Variants in PALM2AKAP2 observed in about 807,000 individuals in gnomAD.
The protein encoded by PALM2AKAP2 is PALM2 and AKAP2 fusion.
PALM2AKAP2 carries 37 observed loss-of-function variants against 71.5 expected under a neutral mutation model. That is an observed-to-expected ratio of 0.52 (90% confidence interval 0.40 to 0.68). PALM2AKAP2 has a LOEUF of 0.68. Among genes scored for constraint, PALM2AKAP2 ranks in the 30% least tolerant of loss-of-function variants. The pLI is 0.00. For missense variants in PALM2AKAP2, 1,224 were observed against 1,191.8 expected (o/e 1.03, Z -0.40); for synonymous variants, 468 against 478.8 (o/e 0.98, Z 0.29).
intron 1 of PALM2AKAP2, among the ~76,000 whole-genome samples, chr9:109,684,198 C>G (rs965931553): frequency 6.6e-6 from 1 of 152,190 alleles, no homozygotes; most frequent in Non-Finnish European, 1.5e-5. Context: ...GCTCTGCCCT[C>G]CTTTCTATCA....
chr9:109,696,570 G>A (rs548322522), intron 1 of PALM2AKAP2, among the ~76,000 whole-genome samples: 14 of 152,170 alleles, frequency 9.2e-5, no homozygotes, highest in African/African-American at 3.1e-4. Context: ...TGGTTATTTC[G>A]CTTCTAGTCA....
At chr9:109,761,473 G>A (rs1829051824) in intron 1 of PALM2AKAP2, among the ~76,000 whole-genome samples, 1 of 152,108 alleles carries the variant, frequency 6.6e-6, no homozygotes, top group Non-Finnish European at 1.5e-5. Flanking sequence ...CTATCATCTA[G>A]GTTTTAAGCC....
At chr9:109,978,457 G>GCAT (rs1306983031) in intron 6 of PALM2AKAP2, among the ~76,000 whole-genome samples, 3 of 152,174 alleles carry the variant, frequency 2.0e-5, no homozygotes, top group African/African-American at 7.2e-5. Context: ...CCCTAAGGTG[G>GCAT]CATCAGACCT....
chr9:109,951,627 G>A (rs1034760569), intron 6 of PALM2AKAP2, among the ~76,000 whole-genome samples: 5 of 152,186 alleles, frequency 3.3e-5, no homozygotes, highest in African/African-American at 7.2e-5. Flanking sequence ...AGAATCACCC[G>A]GGGGTACCTG....
At chr9:109,853,347 G>A (rs1283894294) in intron 1 of PALM2AKAP2, among the ~76,000 whole-genome samples, 1 of 152,090 alleles carries the variant, frequency 6.6e-6, no homozygotes, top group Non-Finnish European at 1.5e-5. Flanking sequence ...AAAACCTTTG[G>A]CATTTCAGTG....
At chr9:110,031,091 C>A (rs1833269698) in intron 7 of PALM2AKAP2, among the ~76,000 whole-genome samples, 2 of 152,150 alleles carry the variant, frequency 1.3e-5, no homozygotes. Context: ...TCATATTTTC[C>A]ATCTGCTCAC....
intron 5 of PALM2AKAP2, among the ~76,000 whole-genome samples, chr9:109,927,825 A>G (rs896725264): frequency 1.3e-5 from 2 of 152,196 alleles, no homozygotes; most frequent in Non-Finnish European, 2.9e-5. Flanking sequence ...TCTTAGGCAT[A>G]ATGTCTTGTA....
At chr9:109,809,241 T>A (rs189461677) in intron 1 of PALM2AKAP2, among the ~76,000 whole-genome samples, 123 of 152,288 alleles carry the variant, frequency 8.1e-4, no homozygotes, top group African/African-American at 2.6e-3. Context: ...GCCACAGACT[T>A]TCAATGCTAG....
rs138228001 is a variant in PALM2AKAP2 at position 109,986,630 on chromosome 9, T to A, written c.497-29324T>A. 3.6e-4 allele frequency among the ~76,000 whole-genome samples: 55 copies of A among 152,360 alleles called. No homozygotes were observed. In the East Asian group the frequency reaches 0.011, roughly 29 times the overall value. The stretch of plus-strand genomic sequence containing the variant: ...CAAGACTCAGTCTGTGCTTGTGACA[T>A]ATTTTTGGAAATTCATTGTGTAAGA... On this transcript the variant is annotated intron_variant, in intron 6 of 9. Coordinates refer to the PALM2AKAP2 transcript ENST00000302798.
chr9:110,052,243 A>C (rs544927048), intron 1 of PALM2AKAP2, among the ~76,000 whole-genome samples: 2 of 152,348 alleles, frequency 1.3e-5, no homozygotes, highest in Admixed American at 1.3e-4. Flanking sequence ...ACCCAGAGGC[A>C]GAATTTCTGT....
upstream of PALM2AKAP2, among the ~76,000 whole-genome samples, chr9:109,779,701 G>A (rs572410870): frequency 2.6e-5 from 4 of 152,244 alleles, no homozygotes; most frequent in African/African-American, 7.2e-5. Flanking sequence ...CCCTACCCTC[G>A]GCCGACTTGA....
intron 6 of PALM2AKAP2, among the ~76,000 whole-genome samples, chr9:109,933,694 A>C (rs1831160253): frequency 6.6e-6 from 1 of 152,270 alleles, no homozygotes; most frequent in African/African-American, 2.4e-5. Context: ...TTTCAAAAGT[A>C]TAATGTGATC....
chr9:109,975,886 G>A (rs938220949), intron 6 of PALM2AKAP2, among the ~76,000 whole-genome samples: 1 of 152,200 alleles, frequency 6.6e-6, no homozygotes, highest in African/African-American at 2.4e-5. Flanking sequence ...TGGGGAGGAG[G>A]AAGAGCAGAT....
chr9:109,657,135 C>G (rs1222021976), intron 1 of PALM2AKAP2, among the ~76,000 whole-genome samples: 1 of 152,198 alleles, frequency 6.6e-6, no homozygotes, highest in Non-Finnish European at 1.5e-5. Context: ...GCCCCAGGGT[C>G]AGAATCTCTG....
intron 6 of PALM2AKAP2, among the ~76,000 whole-genome samples, chr9:109,979,420 G>A (rs538528537): frequency 6.6e-6 from 1 of 152,306 alleles, no homozygotes; most frequent in South Asian, 2.1e-4. Flanking sequence ...GTGGCAACGT[G>A]GGGATATCAG....
intron 1 of PALM2AKAP2, among the ~76,000 whole-genome samples, chr9:109,787,382 A>G (rs1159983933): frequency 1.3e-5 from 2 of 152,256 alleles, no homozygotes; most frequent in African/African-American, 4.8e-5. Flanking sequence ...GAACACAAAG[A>G]GTGAAAGGAG....
intron 1 of PALM2AKAP2, among the ~76,000 whole-genome samples, chr9:109,856,505 T>C (rs1261299319): frequency 6.6e-6 from 1 of 152,262 alleles, no homozygotes; most frequent in East Asian, 1.9e-4. Context: ...ATCCATTTTT[T>C]CCTGTAGGAT....
At chr9:109,669,267 C>CT (rs61041280) in intron 1 of PALM2AKAP2, among the ~76,000 whole-genome samples, 8,201 of 149,982 alleles carry the variant, frequency 0.055, 292 homozygotes, top group Middle Eastern at 0.13. Context: ...TTTGTTTTTC[C>CT]TTTTTTTTTC....
rs569865669 is a variant in PALM2AKAP2 at position 110,133,761 on chromosome 9, G to T, written c.157-2366G>T. 5.9e-4 allele frequency among the ~76,000 whole-genome samples: 90 copies of T among 152,270 alleles called. 2 individuals carry two copies. The highest frequency in any genetic ancestry group is 5.6e-3 in the Admixed American group (85 of 15,286). On this transcript the variant is annotated intron_variant, in intron 1 of 3. Coordinates refer to ENST00000374525, the Ensembl canonical transcript of PALM2AKAP2. The stretch of plus-strand genomic sequence containing the variant: ...AGTCATTGGCCAAAAGAAGCCAGGG[G>T]TGAGGGTGCCATAGGTAATCTGACT...
Sources: gnomAD v4.1 joint callset for allele counts (sites outside exome capture counted in the v4.1 genomes callset) on GRCh38, gnomAD v4.1.1 for gene constraint, MANE v1.5 for transcripts, NCBI Gene and HGNC (gene_info 2026-07-23, HGNC 2026-07-21) for gene names.